The following CCDC83 variants were observed in gnomAD, a reference collection of about 807,000 sequenced individuals.
The protein encoded by CCDC83 is coiled-coil domain-containing protein 83.
Under a neutral mutation model 50.1 loss-of-function variants are expected in CCDC83, and 54 were observed. The ratio of observed to expected loss-of-function variants is 1.08; its 90% confidence interval spans 0.87 to 1.35. The LOEUF (loss-of-function observed/expected upper bound fraction) is 1.35, where lower values mean the gene tolerates loss of function less well. CCDC83 is among the 40% of genes most tolerant of loss of function. The pLI is 0.00. For synonymous variants in CCDC83, 161 were observed against 153.3 expected (o/e 1.05, Z -0.37); for missense variants, 518 against 473.9 (o/e 1.09, Z -0.86).
intron 3 of CCDC83, among the ~76,000 whole-genome samples, chr11:85,881,235 T>G (rs1221428592): frequency 6.6e-6 from 1 of 151,872 alleles, no homozygotes; most frequent in African/African-American, 2.4e-5. Context: ...TAGCCAGGTA[T>G]GGTGGTGGGC....
At chr11:85,864,099 G>A (rs1358471373) in intron 1 of CCDC83, among the ~76,000 whole-genome samples, 2 of 152,192 alleles carry the variant, frequency 1.3e-5, no homozygotes, top group African/African-American at 4.8e-5. Context: ...GCCCATGTCT[G>A]CCTGATTCGT....
intron 5 of CCDC83, 138 bp from the exon 6 acceptor site, chr11:85,895,155 T>C (rs185703606): frequency 2.7e-4 from 80 of 293,336 alleles, no homozygotes; most frequent in East Asian, 1.1e-3. Context: ...CCCGAACAGA[T>C]AATAAAGTCT....
rs1192945123 is a variant in CCDC83, at chr11:85,898,998, G to T, written c.655G>T (p.Asp219Tyr). Reference sequence around the variant, plus strand: ...CAGTTATCTAGAGATCTGGGAGAATGACTGGCTCAAAAAAGAGGTAAGTGG... The same window carrying T: ...CAGTTATCTAGAGATCTGGGAGAATTACTGGCTCAAAAAAGAGGTAAGTGG... ...KGSYLEIWENDWLKKEVAIHR... is the reference protein window; with the variant it reads ...KGSYLEIWENYWLKKEVAIHR... The change falls in exon 7 of 11, where the codon GAC (aspartate) becomes TAC (tyrosine). Residue 219 changes from aspartate (D) to tyrosine (Y), a missense_variant. Coordinates refer to ENST00000342404, the MANE Select transcript of CCDC83 (RefSeq NM_001286159.2). 6 of 1,609,632 alleles carry T rather than the reference G, an allele frequency of 3.7e-6. No individual in the cohort carries two copies. The highest frequency in any genetic ancestry group is 1.1e-5 in the South Asian group (1 of 90,428).
intron 8 of CCDC83, chr11:85,912,717 G>A (rs2093460440): frequency 1.2e-6 from 2 of 1,610,514 alleles, no homozygotes; most frequent in Non-Finnish European, 1.7e-6. Flanking sequence ...TTGGAATCAT[G>A]TCTAATCTCT....
At chr11:85,862,539 T>C (rs568063293) in intron 1 of CCDC83, among the ~76,000 whole-genome samples, 1 of 152,342 alleles carries the variant, frequency 6.6e-6, no homozygotes, top group African/African-American at 2.4e-5. Context: ...TACTTTATAA[T>C]TGGGGGCCAG....
chr11:85,891,971 T>C (rs1445509), intron 5 of CCDC83, among the ~76,000 whole-genome samples: 41,745 of 152,070 alleles, frequency 0.27, 6,068 homozygotes, highest in Middle Eastern at 0.29. Flanking sequence ...CTAAAAAGAT[T>C]ACTACCTGGC....
intron 8 of CCDC83, among the ~76,000 whole-genome samples, chr11:85,914,141 G>A (rs1372073517): frequency 6.6e-6 from 1 of 152,150 alleles, no homozygotes; most frequent in Non-Finnish European, 1.5e-5. Flanking sequence ...GTTTTCATAG[G>A]TGTAAATATT....
chr11:85,875,898 G>A (rs77497327), intron 3 of CCDC83, among the ~76,000 whole-genome samples: 21,065 of 151,944 alleles, frequency 0.14, 1,790 homozygotes, highest in Middle Eastern at 0.19. Flanking sequence ...TAGATGTTCC[G>A]TAGTTCACTC....
intron 3 of CCDC83, among the ~76,000 whole-genome samples, chr11:85,876,496 T>C (rs2093269988): frequency 6.6e-6 from 1 of 152,112 alleles, no homozygotes; most frequent in Non-Finnish European, 1.5e-5. Context: ...TTTGGCAACT[T>C]CCTTTCTTGT....
intron 1 of CCDC83, among the ~76,000 whole-genome samples, chr11:85,859,197 T>A (rs1423709815): frequency 1.4e-5 from 2 of 139,480 alleles, no homozygotes; most frequent in Non-Finnish European, 3.1e-5. Context: ...GGAATACAGC[T>A]TACCAAGAAG....
intron 7 of CCDC83, among the ~76,000 whole-genome samples, chr11:85,903,549 C>T (rs141567739): frequency 6.6e-6 from 1 of 151,960 alleles, no homozygotes; most frequent in Admixed American, 6.6e-5. Flanking sequence ...GTGATCCACC[C>T]GCCTCGGCCT....
chr11:85,912,673 C>T (rs2093460141), intron 8 of CCDC83: 2 of 1,610,308 alleles, frequency 1.2e-6, no homozygotes, highest in Non-Finnish European at 8.5e-7. Context: ...ATTCCTGTCC[C>T]ACCTCTAATC....
At position 85,911,275 on chromosome 11, in the gene CCDC83, G is replaced by A; in HGVS notation, c.673-6G>A. ...ACCAACATTCATTCTCTTCTTCTGAGAACAGGTTGCAATTCACAGGAAGGA... is the reference window on the plus strand; with the variant it reads ...ACCAACATTCATTCTCTTCTTCTGAAAACAGGTTGCAATTCACAGGAAGGA... On this transcript the variant is annotated splice_region_variant and splice_polypyrimidine_tract_variant and intron_variant, in intron 7 of 10. Coordinates refer to ENST00000342404, the MANE Select transcript of CCDC83 (RefSeq NM_001286159.2). 1 of 1,601,350 alleles carries A rather than the reference G, an allele frequency of 6.2e-7. No individual in the cohort carries two copies. The highest frequency in any genetic ancestry group is 8.5e-7 in the Non-Finnish European group (1 of 1,173,934).
intron 2 of CCDC83, among the ~76,000 whole-genome samples, chr11:85,871,623 T>C (rs1053055532): frequency 6.6e-6 from 1 of 152,212 alleles, no homozygotes; most frequent in African/African-American, 2.4e-5. Flanking sequence ...ACATATGATT[T>C]CTTATTTTAA....
intron 7 of CCDC83, among the ~76,000 whole-genome samples, chr11:85,900,163 G>A (rs747358998): frequency 8.5e-5 from 13 of 152,158 alleles, no homozygotes; most frequent in Admixed American, 1.3e-4. Context: ...TATAGATGGT[G>A]GGAATGGGAA....
intron 3 of CCDC83, among the ~76,000 whole-genome samples, 193 bp from the exon 4 acceptor site, chr11:85,882,320 C>A (rs2135034064): frequency 6.6e-6 from 1 of 152,102 alleles, no homozygotes; most frequent in South Asian, 2.1e-4. Flanking sequence ...TTCTGTTTTA[C>A]CTAGCTTTTA....
chr11:85,875,719 C>G (rs1387936743), intron 3 of CCDC83, among the ~76,000 whole-genome samples: 2 of 152,204 alleles, frequency 1.3e-5, no homozygotes, highest in East Asian at 3.8e-4. Flanking sequence ...GTTTTGAGGT[C>G]ATAGATATTT....
chr11:85,906,529 T>C (rs1233613930), intron 7 of CCDC83, among the ~76,000 whole-genome samples: 8 of 151,912 alleles, frequency 5.3e-5, no homozygotes, highest in African/African-American at 1.7e-4. Flanking sequence ...TGGAAATAAA[T>C]GACAGAAAAA....
chr11:85,885,845 T>A (rs2093324282), intron 4 of CCDC83, among the ~76,000 whole-genome samples: 1 of 152,174 alleles, frequency 6.6e-6, no homozygotes, highest in South Asian at 2.1e-4. Context: ...AATTTCCTAA[T>A]AAAGAATACA....
Sources: allele counts gnomAD v4.1 joint callset (sites outside exome capture counted in the v4.1 genomes callset), GRCh38; gene constraint gnomAD v4.1.1; transcripts MANE v1.5; gene names NCBI Gene and HGNC (gene_info 2026-07-23, HGNC 2026-07-21).